The following LRP5 variants were observed in gnomAD, a reference collection of about 807,000 sequenced individuals.
The protein encoded by LRP5 is low-density lipoprotein receptor-related protein 5.
A neutral mutation model predicts 154.1 loss-of-function variants in LRP5; 62 were observed. That is an observed-to-expected ratio of 0.40 (90% CI 0.33 to 0.50). The LOEUF is 0.50. Ranked by LOEUF, LRP5 falls within the 20% of genes least tolerant of loss-of-function variation. LRP5 has a pLI of 0.55. For missense variants in LRP5, 1,915 were observed against 2,336.7 expected, an observed-to-expected ratio of 0.82 and a Z score of 3.72; for synonymous variants, 966 against 1,011.5, an observed-to-expected ratio of 0.96 and a Z score of 0.85.
At chr11:68,342,727 G>A (rs540815366) in intron 1 of LRP5, among the ~76,000 whole-genome samples, 2 of 152,328 alleles carry the variant, frequency 1.3e-5, no homozygotes, top group Admixed American at 6.5e-5. Flanking sequence ...GCTCCTGCCC[G>A]GCTCTCCTGG....
chr11:68,389,397 C>T (rs1277111705), intron 6 of LRP5, among the ~76,000 whole-genome samples: 1 of 152,126 alleles, frequency 6.6e-6, no homozygotes, highest in Non-Finnish European at 1.5e-5. Flanking sequence ...TTTACCAACA[C>T]CAGCATCTAC....
intron 1 of LRP5, among the ~76,000 whole-genome samples, chr11:68,328,719 G>A (rs1591180355): frequency 6.6e-6 from 1 of 152,352 alleles, no homozygotes; most frequent in Middle Eastern, 3.4e-3. Context: ...GTGTGGCCTC[G>A]CAGTAAATGC....
chr11:68,360,208 G>A (rs1591223136), intron 3 of LRP5, among the ~76,000 whole-genome samples: 1 of 152,276 alleles, frequency 6.6e-6, no homozygotes, highest in East Asian at 1.9e-4. Flanking sequence ...GTAGAGACGA[G>A]GTTTCACCAT....
intron 3 of LRP5, among the ~76,000 whole-genome samples, chr11:68,363,353 G>C (rs1275285851): frequency 6.6e-6 from 1 of 152,164 alleles, no homozygotes; most frequent in African/African-American, 2.4e-5. Flanking sequence ...GGCCTCACTT[G>C]TCTGGTTGAA....
chr11:68,389,451 T>C (rs145143643), intron 6 of LRP5, among the ~76,000 whole-genome samples: 59 of 152,262 alleles, frequency 3.9e-4, no homozygotes, highest in Middle Eastern at 6.8e-3. Context: ...GACACTGATA[T>C]CTACTGACAC....
rs2098681498 is a variant in LRP5 at position 68,446,524 on chromosome 11, G to A, written c.4577G>A (p.Arg1526Lys). 8.1e-6 allele frequency: 13 copies of A among 1,613,718 alleles called. No homozygotes were observed. The highest frequency in any genetic ancestry group is 1.1e-5 in the Non-Finnish European group (13 of 1,179,784). ...FYSSNIPATA[R>K]PYRPYIIRGM... ...TCTTCAAACATTCCGGCCACTGCGA[G>A]ACCGTACAGGTAGGACATCCCCTGC... The change falls in exon 22 of 23, where the codon AGA becomes AAA. Residue 1526 changes from arginine to lysine, a missense_variant. By Grantham distance (26) the Arg-to-Lys change is conservative (BLOSUM62 2). Coordinates refer to ENST00000294304, the MANE Select transcript of LRP5 (RefSeq NM_002335.4).
chr11:68,312,815 C>G lies in LRP5; in HGVS notation c.91+10C>G. 1 of 1,041,240 alleles carries G rather than the reference C, an allele frequency of 9.6e-7. No individual in the cohort carries two copies. The highest frequency in any genetic ancestry group is 3.7e-5 in the South Asian group (1 of 26,950). 64.5% of individuals were successfully genotyped at this position (1,041,240 alleles called of 1,614,324 possible). A position where few individuals can be genotyped will look rare whatever the true frequency, so the allele number is the denominator to read the frequency against. ...CCGGCCCCCGCCGCGGGTAGGTGGG[C>G]GCAGGCCGGCCGGGGGCCGCGGGTT... On this transcript the variant is annotated intron_variant, in intron 1 of 22. Coordinates refer to ENST00000294304, the MANE Select transcript of LRP5 (RefSeq NM_002335.4).
intron 10 of LRP5, among the ~76,000 whole-genome samples, 155 bp from the exon 11 acceptor site, chr11:68,411,281 G>A (rs1425317831): frequency 1.3e-5 from 2 of 152,228 alleles, no homozygotes; most frequent in Non-Finnish European, 2.9e-5. Flanking sequence ...GGCAGGGGTC[G>A]AGGGTCTCGC....
At chr11:68,299,249 T>C in the LRP5 span, among the ~76,000 whole-genome samples, 4 of 152,140 alleles carry the variant, frequency 2.6e-5, no homozygotes, top group African/African-American at 9.7e-5. Context: ...GGAAGGGCAG[T>C]GCTGGATGCA....
Position 68,367,721 on chromosome 11 carries a change from C to T in LRP5, c.1015+2019C>T, listed in dbSNP as rs183358180. Among the ~76,000 whole-genome samples, 8 of 152,080 alleles carry T rather than the reference C, an allele frequency of 5.3e-5. No individual in the cohort carries two copies. The East Asian group carries it at 5.8e-4, about 11-fold the overall frequency. On this transcript the variant is annotated intron_variant, in intron 5 of 22. Coordinates refer to ENST00000294304, the MANE Select transcript of LRP5 (RefSeq NM_002335.4). ...AGGGAGTGGCCACCACAGTCAGGGC[C>T]GGGGGACGGAGGGGAGAGAGAATCA... is the stretch of plus-strand genomic sequence containing the variant.
Position 68,389,965 on chromosome 11 carries a change from T to C in LRP5, c.1497T>C (p.Asn499=). 6.2e-7 allele frequency: 1 copy of C among 1,614,066 alleles called. No individual in the cohort carries two copies. The highest frequency in any genetic ancestry group is 8.5e-7 in the Non-Finnish European group (1 of 1,180,004). The change falls in exon 7 of 23, where the codon AAT becomes AAC. Residue 499 remains asparagine, a synonymous_variant. Coordinates refer to ENST00000294304, the MANE Select transcript of LRP5 (RefSeq NM_002335.4). ...LDGQERRVLV[N]ASLGWPNGLA... ...GGCAGGAGCGGCGTGTGCTGGTCAA[T>C]GCCTCCCTCGGGTGGCCCAACGGCC...
intron 1 of LRP5, among the ~76,000 whole-genome samples, chr11:68,325,956 C>T (rs1194956617): frequency 6.6e-6 from 1 of 152,200 alleles, no homozygotes; most frequent in African/African-American, 2.4e-5. Flanking sequence ...TCCATAGTGA[C>T]GACCCCCCGG....
intron 21 of LRP5, among the ~76,000 whole-genome samples, chr11:68,443,567 ATATATATATATATATATAT>A (rs1565122053): frequency 8.1e-5 from 3 of 37,042 alleles, no homozygotes; most frequent in African/African-American, 4.1e-4. Flanking sequence ...ATATATATAT[ATATATATATATATATATAT>A]TTTTTTTTTT....
chr11:68,391,593 C>T (rs1181720187), intron 7 of LRP5, among the ~76,000 whole-genome samples: 1 of 152,208 alleles, frequency 6.6e-6, no homozygotes. Flanking sequence ...GTCTCAGCAC[C>T]TTCAGGGTGG....
intron 1 of LRP5, among the ~76,000 whole-genome samples, chr11:68,341,059 CTTTTTTTTT>C (rs576462333): frequency 1.2e-5 from 1 of 83,496 alleles, no homozygotes; most frequent in Non-Finnish European, 2.4e-5. Flanking sequence ...GGAGATTGTT[CTTTTTTTTT>C]TTTTTTTTTT....
In LRP5 at chr11:68,335,424, C is replaced by T. The variant is rs373847989; in HGVS notation, c.92-12423C>T. 6.6e-5 allele frequency among the ~76,000 whole-genome samples: 10 copies of T among 150,890 alleles called. No homozygotes were observed. The East Asian group carries it at 1.8e-3, about 28-fold the overall frequency. On this transcript the variant is annotated intron_variant, in intron 1 of 22. Transcript: ENST00000294304. The stretch of plus-strand genomic sequence containing the variant: ...TAAGACACCTTATTTAGGCTGAGTG[C>T]AGTAGCTCACGCCTGTAATCCCAAC...
In LRP5 at chr11:68,407,639, G is replaced by A. The variant is rs528305842; in HGVS notation, c.2091+826G>A. Among the ~76,000 whole-genome samples, 20 of 150,314 alleles carry A rather than the reference G, an allele frequency of 1.3e-4. No homozygotes were observed. The South Asian group carries it at 2.1e-3, about 16-fold the overall frequency. On this transcript the variant is annotated intron_variant, in intron 9 of 22. Transcript: ENST00000294304. ...GCAGATCACCTGAGGTCGGGAGTTCGAGACCAGCCTCACCCACGTGGAGAA... is the reference window on the plus strand; with the variant it reads ...GCAGATCACCTGAGGTCGGGAGTTCAAGACCAGCCTCACCCACGTGGAGAA...
intron 1 of LRP5, among the ~76,000 whole-genome samples, chr11:68,342,362 C>A (rs929643659): frequency 1.3e-5 from 2 of 152,108 alleles, no homozygotes; most frequent in East Asian, 3.9e-4. Context: ...GCTGTAGGGC[C>A]TTGGTGCGAG....
chr11:68,379,988 C>T (rs2098639408), intron 5 of LRP5, among the ~76,000 whole-genome samples: 1 of 152,208 alleles, frequency 6.6e-6, no homozygotes, highest in Admixed American at 6.5e-5. Flanking sequence ...AAAAAGTTAG[C>T]CAGGCGTGGT....
Sources: gnomAD v4.1 joint callset for allele counts (sites outside exome capture counted in the v4.1 genomes callset) on GRCh38, gnomAD v4.1.1 for gene constraint, MANE v1.5 for transcripts, NCBI Gene and HGNC (gene_info 2026-07-23, HGNC 2026-07-21) for gene names.